PTK7: variants seen among roughly 807,000 people sequenced by gnomAD.
PTK7 encodes protein tyrosine kinase 7 (inactive).
A neutral mutation model predicts 116.6 loss-of-function variants in PTK7; 39 were observed. The observed-to-expected ratio is 0.33, with a 90% CI of 0.26 to 0.44. The LOEUF is 0.44. PTK7 is among the 20% of genes least tolerant of loss of function. The probability of loss-of-function intolerance (pLI) is 1.00; values close to 1 mark genes in which losing one functional copy is unlikely to be tolerated. For missense variants in PTK7, 1,169 were observed against 1,425.6 expected, an observed-to-expected ratio of 0.82 and a Z score of 2.90; for synonymous variants, 546 against 563.6, an observed-to-expected ratio of 0.97 and a Z score of 0.44.
chr6:43,143,168 C>T lies in PTK7; in HGVS notation c.2048-249C>T. 1 of 481,862 alleles carries T rather than the reference C, an allele frequency of 2.1e-6. No individual in the cohort carries two copies. Among genetic ancestry groups the T allele is most frequent in the South Asian group, 2.9e-5 (1 of 34,684 alleles). The allele number at this position is 481,862 out of a possible 1,614,324, so 29.8% of individuals were successfully genotyped here. On this transcript the variant is annotated intron_variant, in intron 13 of 19. Transcript: ENST00000230419. The surrounding 1 kb of genome is among the most constrained non-coding windows in gnomAD (Gnocchi z 4.2). ...GTAGCTCCTTGACAGGTGTGCTTATCCGTGTCGCCTGTCTTGGCTTCCGAT... is the reference window on the plus strand; with the variant it reads ...GTAGCTCCTTGACAGGTGTGCTTATTCGTGTCGCCTGTCTTGGCTTCCGAT...
At chr6:43,144,709 T>C in intron 15 of PTK7, 103 bp downstream of exon 15, 2 of 1,384,590 alleles carry the variant, frequency 1.4e-6, no homozygotes, top group Middle Eastern at 1.9e-4. Flanking sequence ...AAACCTAGAA[T>C]GTTAGAGGTG....
chr6:43,100,314 C>T (rs564573368), intron 1 of PTK7, among the ~76,000 whole-genome samples: 9 of 150,456 alleles, frequency 6.0e-5, no homozygotes, highest in Admixed American at 2.7e-4. Context: ...ACCCAGGAGG[C>T]GGAGCCTGCA....
chr6:43,077,828 C>T (rs145398868), intron 1 of PTK7, among the ~76,000 whole-genome samples: 68 of 152,322 alleles, frequency 4.5e-4, no homozygotes, highest in African/African-American at 1.6e-3. Flanking sequence ...ATCTCCCCTG[C>T]CCCCAGTTGT....
At position 43,159,962 on chromosome 6, in the gene PTK7, G is replaced by A. The variant is rs781729604; in HGVS notation, c.3048G>A (p.Leu1016=). 1 of 1,613,068 alleles carries A rather than the reference G, an allele frequency of 6.2e-7. No individual in the cohort carries two copies. The highest frequency in any genetic ancestry group is 1.1e-5 in the South Asian group (1 of 90,948). Reference sequence around the variant, plus strand: ...GTGGGCAGGCAGATGATGAAGTACTGGCAGGTAGGCAGCCTTGCTGCTAGG... The same window carrying A: ...GTGGGCAGGCAGATGATGAAGTACTAGCAGGTAGGCAGCCTTGCTGCTAGG... ...PHGGQADDEV[L]ADLQAGKARL... Residue 1016 remains leucine (L), a synonymous_variant, in exon 19 of 20, where the codon CTG becomes CTA. Transcript: ENST00000230419.
intron 5 of PTK7, among the ~76,000 whole-genome samples, chr6:43,131,365 ATGG>A (rs1267703839): frequency 1.3e-5 from 2 of 151,248 alleles, no homozygotes; most frequent in East Asian, 3.9e-4. Flanking sequence ...ACAGTTGCAC[ATGG>A]TGGTTATTCT....
At chr6:43,144,820 T>G (rs1240777975) in intron 15 of PTK7, 2 of 468,284 alleles carry the variant, frequency 4.3e-6, no homozygotes, top group Non-Finnish European at 7.4e-6. Context: ...ACCTGTAGTA[T>G]TATTTACTTG....
At position 43,129,294 on chromosome 6, in the gene PTK7, C is replaced by A; in HGVS notation, c.367+30C>A. On this transcript the variant is annotated intron_variant, in intron 2 of 19. Transcript: ENST00000230419. The surrounding 1 kb of genome is among the most constrained non-coding windows in gnomAD (Gnocchi z 4.5). ...GAGCCAGGGGGGCTGTGCCCAGTCC[C>A]CCTGTCAGACCCTCAATGACTGAGG... 1.9e-6 allele frequency: 3 copies of A among 1,612,058 alleles called. No homozygotes were observed. The highest frequency in any genetic ancestry group is 1.7e-6 in the Non-Finnish European group (2 of 1,178,844).
chr6:43,145,254 G>A lies in PTK7; in HGVS notation c.2462G>A (p.Gly821Glu). 6 of 1,613,860 alleles carry A rather than the reference G, an allele frequency of 3.7e-6. No homozygotes were observed. The highest frequency in any genetic ancestry group is 1.7e-5 in the Admixed American group (1 of 60,008). Reference sequence around the variant, plus strand: ...GCAAAGGCTCAGGGCTTGGAGGAGGGAGTGGCAGAGACCCTGGTACTTGTG... The same window carrying A: ...GCAAAGGCTCAGGGCTTGGAGGAGGAAGTGGCAGAGACCCTGGTACTTGTG... Reference protein sequence around the residue: ...FLAKAQGLEEGVAETLVLVKS... With the variant: ...FLAKAQGLEEEVAETLVLVKS... The change falls in exon 16 of 20, where the codon GGA (glycine) becomes GAA (glutamate). Residue 821 changes from glycine (G) to glutamate (E), a missense_variant. This residue lies in a region of PTK7 where 678 missense variants were observed against 853.8 expected (regional missense o/e 0.79). Transcript: ENST00000230419. The surrounding 1 kb of genome is among the most constrained non-coding windows in gnomAD (Gnocchi z 4.8).
chr6:43,136,909 TGA>T (rs1304086129), intron 7 of PTK7, among the ~76,000 whole-genome samples: 1 of 151,740 alleles, frequency 6.6e-6, no homozygotes, highest in Non-Finnish European at 1.5e-5. Context: ...GAGGCTGAGG[TGA>T]GAGGGTTGCT....
Position 43,160,931 on chromosome 6 carries a change from G to A in PTK7, c.*50G>A. The A allele has an allele frequency of 6.3e-7, 1 of 1,593,864 alleles. No individual in the cohort carries two copies. Among genetic ancestry groups the A allele is most frequent in the African/African-American group, 1.3e-5 (1 of 74,718 alleles). On this transcript the variant is annotated 3_prime_UTR_variant, in exon 20 of 20. Transcript: ENST00000230419. ...TGGGCAGGGGAGGACATCTCTAGAG[G>A]GAAGCTCACAGCATGATGGGCAAGA...
At chr6:43,085,628 C>G (rs2150372605) in intron 1 of PTK7, among the ~76,000 whole-genome samples, 1 of 152,042 alleles carries the variant, frequency 6.6e-6, no homozygotes, top group East Asian at 1.9e-4. Flanking sequence ...TGACTAGCAG[C>G]CTTAGAAATG....
chr6:43,141,771 CGG>C lies in PTK7; in HGVS notation c.1724_1725del (p.Gly575AlafsTer78). ...AGNYTCIASN[G>X]PQGQIRAHVQ... ...GCAACTACACTTGCATTGCCTCCAACGGGCCGCAGGGCCAGATTCGTGCCCAT... is the reference window on the plus strand; with the variant it reads ...GCAACTACACTTGCATTGCCTCCAACGCCGCAGGGCCAGATTCGTGCCCAT... On this transcript the variant is annotated frameshift_variant, in exon 11 of 20. Transcript: ENST00000230419. LOFTEE classifies it high-confidence loss of function. The surrounding 1 kb of genome is among the most constrained non-coding windows in gnomAD (Gnocchi z 4.9). 6.2e-7 allele frequency: 1 copy of C among 1,614,112 alleles called. No homozygotes were observed. The highest frequency in any genetic ancestry group is 8.5e-7 in the Non-Finnish European group (1 of 1,180,022).
chr6:43,100,650 A>C (rs1767523510), intron 1 of PTK7, among the ~76,000 whole-genome samples: 1 of 152,174 alleles, frequency 6.6e-6, no homozygotes, highest in Non-Finnish European at 1.5e-5. Flanking sequence ...CAATTTATAT[A>C]ATTTCCAAAA....
intron 1 of PTK7, among the ~76,000 whole-genome samples, chr6:43,111,409 A>T (rs2150402917): frequency 6.6e-6 from 1 of 152,338 alleles, no homozygotes; most frequent in African/African-American, 2.4e-5. Context: ...TCAAGCAGGC[A>T]CTTAGCATCT....
intron 1 of PTK7, among the ~76,000 whole-genome samples, chr6:43,084,581 G>A (rs1160237295): frequency 6.6e-6 from 1 of 152,200 alleles, no homozygotes; most frequent in Non-Finnish European, 1.5e-5. Flanking sequence ...TTAATAGTGG[G>A]GGGCTTAGGA....
intron 1 of PTK7, among the ~76,000 whole-genome samples, chr6:43,081,379 G>A (rs976364116): frequency 1.3e-5 from 2 of 151,976 alleles, no homozygotes; most frequent in Non-Finnish European, 2.9e-5. Context: ...GGGTTCTTAT[G>A]TAGGTGGTTT....
intron 1 of PTK7, among the ~76,000 whole-genome samples, chr6:43,122,606 CTTT>C (rs750933412): frequency 1.6e-5 from 2 of 123,798 alleles, no homozygotes; most frequent in South Asian, 2.7e-4. Context: ...GGGACTGAAT[CTTT>C]TTTTTTTTTT....
intron 1 of PTK7, among the ~76,000 whole-genome samples, chr6:43,097,805 T>C (rs143524329): frequency 1.1e-4 from 16 of 152,336 alleles, no homozygotes; most frequent in African/African-American, 3.6e-4. Flanking sequence ...GTGTTCTCTG[T>C]TCACCACCAG....
chr6:43,077,424 T>C (rs1766112709), intron 1 of PTK7, among the ~76,000 whole-genome samples: 1 of 152,070 alleles, frequency 6.6e-6, no homozygotes, highest in East Asian at 1.9e-4. Context: ...CTGGCTTTTC[T>C]TGGGGGGGGG....
Sources: allele counts gnomAD v4.1 joint callset (sites outside exome capture counted in the v4.1 genomes callset), GRCh38; gene constraint gnomAD v4.1.1; regional missense constraint gnomAD v4.1.1; non-coding constraint Gnocchi (gnomAD v3.1); transcripts MANE v1.5; gene names NCBI Gene and HGNC (gene_info 2026-07-23, HGNC 2026-07-21).